ARHGAP24: variants seen among roughly 807,000 people sequenced by gnomAD.
ARHGAP24 encodes the protein rho GTPase-activating protein 24.
In ARHGAP24, 50 loss-of-function variants were observed where a neutral mutation model predicts 76.4. The ratio of observed to expected loss-of-function variants is 0.65; its 90% CI spans 0.52 to 0.83. The LOEUF is 0.83. ARHGAP24 is among the 40% of genes least tolerant of loss of function. The pLI, the probability that ARHGAP24 is intolerant of heterozygous loss-of-function variation, is 0.00. For synonymous variants in ARHGAP24, 345 were observed against 323.3 expected (o/e 1.07, Z -0.72); for missense variants, 930 against 914.2 (o/e 1.02, Z -0.22).
At chr4:85,836,528 T>C (rs1730299926) in intron 3 of ARHGAP24, among the ~76,000 whole-genome samples, 1 of 152,236 alleles carries the variant, frequency 6.6e-6, no homozygotes, top group Non-Finnish European at 1.5e-5. Flanking sequence ...TCTATCACTG[T>C]GTCCCTATTT....
rs199821692 is a variant in ARHGAP24, at chr4:85,558,332, GATTT to G, written c.-20-12185_-20-12182del. Among the ~76,000 whole-genome samples the G allele has an allele frequency of 8.0e-3, 1,223 of 152,228 alleles. 15 individuals carry two copies. Among genetic ancestry groups the G allele is most frequent in the African/African-American group, 0.028 (1,144 of 41,546 alleles). Reference sequence around the variant, plus strand: ...TTAAAAAATTATGTTTTATGTAGAAGATTTATTTCTCTTTCTCTAAACTGCTAAT... The same window carrying G: ...TTAAAAAATTATGTTTTATGTAGAAGATTTCTCTTTCTCTAAACTGCTAAT... On this transcript the variant is annotated intron_variant, in intron 1 of 9. Transcript: ENST00000395184.
At chr4:85,848,397 T>C (rs1014188160) in intron 3 of ARHGAP24, among the ~76,000 whole-genome samples, 2 of 152,188 alleles carry the variant, frequency 1.3e-5, no homozygotes, top group African/African-American at 4.8e-5. Flanking sequence ...AGTGTTCTCA[T>C]TGTTCAATTC....
chr4:85,633,813 C>G (rs1171139460), intron 2 of ARHGAP24, among the ~76,000 whole-genome samples: 1 of 151,842 alleles, frequency 6.6e-6, no homozygotes, highest in Non-Finnish European at 1.5e-5. Flanking sequence ...TTTCTCCTCT[C>G]TAAAGTTAAG....
intron 1 of ARHGAP24, among the ~76,000 whole-genome samples, chr4:85,485,361 AAAAAAAAAAAAAAAAATATAT>A (rs1560504411): frequency 1.7e-5 from 1 of 58,984 alleles, no homozygotes; most frequent in African/African-American, 7.9e-5. Flanking sequence ...AAAAAAAAAA[AAAAAAAAAAAAAAAAATATAT>A]ATATATATAT....
At chr4:85,894,074 A>G (rs1302701770) in intron 3 of ARHGAP24, among the ~76,000 whole-genome samples, 5 of 135,162 alleles carry the variant, frequency 3.7e-5, no homozygotes, top group Non-Finnish European at 6.2e-5. Context: ...CAATGTGCAC[A>G]TGTACCCTAA....
At chr4:85,492,738 T>TA (rs1244002607) in intron 1 of ARHGAP24, among the ~76,000 whole-genome samples, 2 of 152,160 alleles carry the variant, frequency 1.3e-5, no homozygotes, top group Non-Finnish European at 2.9e-5. Context: ...ATTTGAAACA[T>TA]AAAAAATTGC....
chr4:85,734,608 A>G (rs1444563487), intron 3 of ARHGAP24, among the ~76,000 whole-genome samples: 2 of 142,084 alleles, frequency 1.4e-5, no homozygotes, highest in African/African-American at 5.2e-5. Flanking sequence ...GAAAACAATT[A>G]GTGCAGGGGC....
At chr4:85,642,448 C>T (rs1037819565) in intron 2 of ARHGAP24, among the ~76,000 whole-genome samples, 2 of 152,128 alleles carry the variant, frequency 1.3e-5, no homozygotes, top group African/African-American at 4.8e-5. Flanking sequence ...TCAAACTCAG[C>T]ATGCTCCAAA....
intron 3 of ARHGAP24, among the ~76,000 whole-genome samples, chr4:85,889,666 C>T (rs1431846442): frequency 6.6e-6 from 1 of 152,172 alleles, no homozygotes; most frequent in Non-Finnish European, 1.5e-5. Flanking sequence ...GGATGGAATG[C>T]CAGGGGAGAA....
At chr4:85,862,699 A>G (rs1241993256) in intron 3 of ARHGAP24, among the ~76,000 whole-genome samples, 2 of 152,072 alleles carry the variant, frequency 1.3e-5, no homozygotes, top group Non-Finnish European at 2.9e-5. Context: ...ATGCAACTCT[A>G]TGTGCACTCG....
chr4:85,945,859 T>C (rs1737235898), intron 5 of ARHGAP24, among the ~76,000 whole-genome samples: 1 of 152,178 alleles, frequency 6.6e-6, no homozygotes, highest in Non-Finnish European at 1.5e-5. Context: ...CCTTTTCCTT[T>C]ATAAAGTAAA....
At chr4:85,508,952 C>T (rs1228675187) in intron 1 of ARHGAP24, among the ~76,000 whole-genome samples, 1 of 152,058 alleles carries the variant, frequency 6.6e-6, no homozygotes, top group Non-Finnish European at 1.5e-5. Context: ...AGGTCTGGCT[C>T]CTTCTGCCCT....
At chr4:85,942,039 A>C in intron 4 of ARHGAP24, 27 bp from the exon 5 acceptor site, 1 of 1,603,148 alleles carries the variant, frequency 6.2e-7, no homozygotes, top group Non-Finnish European at 8.5e-7. Context: ...AAATTTCCCA[A>C]GTTTACTGTG....
intron 2 of ARHGAP24, among the ~76,000 whole-genome samples, chr4:85,577,579 C>T (rs1012679842): frequency 3.9e-5 from 6 of 151,968 alleles, no homozygotes; most frequent in African/African-American, 1.2e-4. Context: ...CAGAGGAGCG[C>T]GAGAGTGAGA....
Position 85,994,919 on chromosome 4 carries a change from A to G in ARHGAP24, c.1265A>G (p.Lys422Arg). Residue 422 changes from lysine to arginine, a missense_variant, in exon 9 of 10, where the codon AAG (lysine) becomes AGG (arginine). Transcript: ENST00000395184. ...AGAAGCCCCCCTCTCATGGTCAAAA[A>G]GAACCCAGCCTTTAATAAGGGTAGT... is the stretch of plus-strand genomic sequence containing the variant. ...VSRSPPLMVK[K>R]NPAFNKGSGI... 2 of 1,614,130 alleles carry G rather than the reference A, an allele frequency of 1.2e-6. No individual in the cohort carries two copies. The highest frequency in any genetic ancestry group is 1.1e-5 in the South Asian group (1 of 91,086).
At chr4:85,744,281 C>T (rs549527432) in intron 3 of ARHGAP24, among the ~76,000 whole-genome samples, 1 of 152,280 alleles carries the variant, frequency 6.6e-6, no homozygotes, top group African/African-American at 2.4e-5. Flanking sequence ...AAGCTTCAAT[C>T]CTGGAGAGGC....
chr4:85,573,133 TC>T (rs1727208356), intron 2 of ARHGAP24, among the ~76,000 whole-genome samples: 1 of 152,150 alleles, frequency 6.6e-6, no homozygotes, highest in Admixed American at 6.5e-5. Context: ...TGCCTCAGCC[TC>T]CCAAAGTGCT....
chr4:85,785,243 A>G (rs1250039482), intron 3 of ARHGAP24, among the ~76,000 whole-genome samples: 1 of 152,174 alleles, frequency 6.6e-6, no homozygotes, highest in African/African-American at 2.4e-5. Context: ...TCAGCACTCA[A>G]AAGAAAACAT....
chr4:85,983,624 T>A (rs1334865519), intron 8 of ARHGAP24, among the ~76,000 whole-genome samples: 1 of 152,190 alleles, frequency 6.6e-6, no homozygotes, highest in Non-Finnish European at 1.5e-5. Flanking sequence ...AAGCTCAACA[T>A]CACTGATCAT....
Sources: gnomAD v4.1 joint callset for allele counts (sites outside exome capture counted in the v4.1 genomes callset) on GRCh38, gnomAD v4.1.1 for gene constraint, MANE v1.5 for transcripts, NCBI Gene and HGNC (gene_info 2026-07-23, HGNC 2026-07-21) for gene names.